Variants in FRMD3 observed in about 807,000 individuals in gnomAD.
The protein encoded by FRMD3 is FERM domain containing 3, also known as FERM domain-containing protein 3.
In FRMD3, 33 loss-of-function variants were observed where a neutral mutation model predicts 70.2. The observed-to-expected ratio is 0.47, with a 90% confidence interval of 0.36 to 0.63. The LOEUF is 0.63. Ranked by LOEUF, FRMD3 falls within the 20% of genes least tolerant of loss-of-function variation. The pLI, the probability that FRMD3 is intolerant of heterozygous loss-of-function variation, is 0.00. For missense variants in FRMD3, 632 were observed against 711.4 expected (o/e 0.89, Z 1.27); for synonymous variants, 279 against 255.9 (o/e 1.09, Z -0.86).
At chr9:83,450,528 C>A (rs768024062) in intron 1 of FRMD3, among the ~76,000 whole-genome samples, 1 of 152,008 alleles carries the variant, frequency 6.6e-6, no homozygotes, top group Non-Finnish European at 1.5e-5. Flanking sequence ...TGTTTTCATT[C>A]CAAGACTGTT....
intron 12 of FRMD3, among the ~76,000 whole-genome samples, chr9:83,292,509 A>G (rs1272990867): frequency 2.6e-5 from 4 of 152,132 alleles, no homozygotes; most frequent in South Asian, 2.1e-4. Context: ...ACACACAGGA[A>G]GAAGCACAAC....
At chr9:83,325,721 G>A (rs538527331) in intron 6 of FRMD3, among the ~76,000 whole-genome samples, 57 of 152,280 alleles carry the variant, frequency 3.7e-4, no homozygotes, top group Non-Finnish European at 6.0e-4. Flanking sequence ...ACTCAGATCC[G>A]ATTAGAGAAT....
At chr9:83,502,472 A>G (rs988039596) in intron 1 of FRMD3, among the ~76,000 whole-genome samples, 1 of 152,246 alleles carries the variant, frequency 6.6e-6, no homozygotes, top group African/African-American at 2.4e-5. Context: ...GTACAGCTAT[A>G]AGCCATAAAT....
At chr9:83,253,450 C>A (rs1241642594) in intron 13 of FRMD3, among the ~76,000 whole-genome samples, 2 of 152,054 alleles carry the variant, frequency 1.3e-5, no homozygotes, top group African/African-American at 4.8e-5. Context: ...AAAAAGTGGG[C>A]AAAAGATATG....
At chr9:83,524,651 A>G (rs1829648437) in intron 1 of FRMD3, among the ~76,000 whole-genome samples, 1 of 152,216 alleles carries the variant, frequency 6.6e-6, no homozygotes, top group Admixed American at 6.5e-5. Context: ...AACCTAAAAT[A>G]CAAGACACAA....
chr9:83,447,471 G>A (rs1285640432), intron 1 of FRMD3, among the ~76,000 whole-genome samples: 1 of 152,208 alleles, frequency 6.6e-6, no homozygotes, highest in African/African-American at 2.4e-5. Context: ...GACACAATAG[G>A]CAATCAGACC....
At chr9:83,356,860 AC>A (rs1159611869) in intron 3 of FRMD3, among the ~76,000 whole-genome samples, 1 of 151,518 alleles carries the variant, frequency 6.6e-6, no homozygotes, top group Non-Finnish European at 1.5e-5. Flanking sequence ...TATATACTGT[AC>A]CCAATGTGTA....
At chr9:83,419,663 AGT>A (rs200496991) in intron 1 of FRMD3, among the ~76,000 whole-genome samples, 2 of 149,896 alleles carry the variant, frequency 1.3e-5, no homozygotes, top group East Asian at 2.0e-4. Flanking sequence ...ATGTGTATTG[AGT>A]GTGTGTGTGT....
intron 13 of FRMD3, among the ~76,000 whole-genome samples, chr9:83,264,224 T>C (rs183885207): frequency 6.6e-6 from 1 of 152,306 alleles, no homozygotes; most frequent in Admixed American, 6.5e-5. Context: ...AGACTGCATA[T>C]TGTATGATTC....
At chr9:83,360,339 G>A in intron 3 of FRMD3, among the ~76,000 whole-genome samples, 1 of 152,120 alleles carries the variant, frequency 6.6e-6, no homozygotes, top group Non-Finnish European at 1.5e-5. Context: ...ATACTATAAA[G>A]TTGCATCCAA....
At chr9:83,351,724 G>GATAGATAA (rs1390832332) in intron 3 of FRMD3, among the ~76,000 whole-genome samples, 1 of 151,986 alleles carries the variant, frequency 6.6e-6, no homozygotes, top group African/African-American at 2.4e-5. Context: ...TAGATAGATA[G>GATAGATAA]ATAGATAGAC....
At chr9:83,456,769 C>A (rs1378359519) in intron 1 of FRMD3, among the ~76,000 whole-genome samples, 1 of 152,146 alleles carries the variant, frequency 6.6e-6, no homozygotes, top group African/African-American at 2.4e-5. Flanking sequence ...AGCCTGAGCT[C>A]AGAAGTTTGA....
At chr9:83,538,581 G>A (rs913364273), upstream of FRMD3, 11 of 182,688 alleles carry the variant, frequency 6.0e-5, no homozygotes, top group Non-Finnish European at 1.2e-4. This position sits in a 1 kb window ranked among gnomAD's most constrained non-coding sequence, Gnocchi z 4.7. Flanking sequence ...AGCAGCTGAA[G>A]GAGGAGGCGG....
Position 83,245,190 on chromosome 9 carries a change from C to T in FRMD3, c.*2728G>A, listed in dbSNP as rs1832034584. 1 of 983,728 alleles carries T rather than the reference C, an allele frequency of 1.0e-6. No homozygotes were observed. Among genetic ancestry groups the T allele is most frequent in the Non-Finnish European group, 1.2e-6 (1 of 828,508 alleles). 60.9% of individuals were successfully genotyped at this position (983,728 alleles called of 1,614,324 possible). A position where few individuals can be genotyped will look rare whatever the true frequency, so the allele number is the denominator to read the frequency against. Reference sequence around the variant, plus strand: ...GTCTATTCAAAGACACACATATATACAGATTCATATATAAACACACATATA... The same window carrying T: ...GTCTATTCAAAGACACACATATATATAGATTCATATATAAACACACATATA... On this transcript the variant is annotated 3_prime_UTR_variant, in exon 14 of 14. Transcript: ENST00000304195.
rs1199255344 is a variant in FRMD3 at position 83,247,901 on chromosome 9, C to T, written c.*17G>A. 5 of 1,611,012 alleles carry T rather than the reference C, an allele frequency of 3.1e-6. No individual in the cohort carries two copies. Among genetic ancestry groups the T allele is most frequent in the Non-Finnish European group, 4.2e-6 (5 of 1,177,846 alleles). ...ACTAGCATTGAATATAGCCCTTAGT[C>T]ACGTGAGAGATTAACTTCATGAGCA... On this transcript the variant is annotated 3_prime_UTR_variant, in exon 14 of 14. Coordinates refer to ENST00000304195, the MANE Select transcript of FRMD3 (RefSeq NM_174938.6).
chr9:83,577,509 C>T, the FRMD3 span, among the ~76,000 whole-genome samples: 1 of 151,948 alleles, frequency 6.6e-6, no homozygotes, highest in Non-Finnish European at 1.5e-5. Flanking sequence ...TCTATCTACA[C>T]AAAAATAAAG....
At chr9:83,308,721 A>G (rs1024731910) in intron 10 of FRMD3, among the ~76,000 whole-genome samples, 1 of 152,196 alleles carries the variant, frequency 6.6e-6, no homozygotes, top group African/African-American at 2.4e-5. Context: ...AGTCTTGTCC[A>G]GCACCTACTT....
intron 1 of FRMD3, among the ~76,000 whole-genome samples, chr9:83,520,970 C>CAAAAAAAA (rs144061788): frequency 6.4e-3 from 362 of 56,130 alleles, no homozygotes; most frequent in Middle Eastern, 0.017. Context: ...ACTAAAAATA[C>CAAAAAAAA]AAAAAAAAAA....
In FRMD3 at chr9:83,270,722, G is replaced by GTGTA. The variant is rs573380451; in HGVS notation, c.1195+19877_1195+19880dup. On this transcript the variant is annotated intron_variant, in intron 13 of 13. Transcript: ENST00000304195. Reference sequence around the variant, plus strand: ...TTCATTTTACAGATGTAAAAGCAGTGTGTACCTCCAAGGGGTGGTTGTGAG... The same window carrying GTGTA: ...TTCATTTTACAGATGTAAAAGCAGTGTGTATGTACCTCCAAGGGGTGGTTGTGAG... 1.8e-4 allele frequency among the ~76,000 whole-genome samples: 27 copies of GTGTA among 152,316 alleles called. No homozygotes were observed. In the South Asian group the frequency reaches 3.3e-3, roughly 19 times the overall value.
Sources: allele counts gnomAD v4.1 joint callset (sites outside exome capture counted in the v4.1 genomes callset), GRCh38; gene constraint gnomAD v4.1.1; non-coding constraint Gnocchi (gnomAD v3.1); transcripts MANE v1.5; gene names NCBI Gene and HGNC (gene_info 2026-07-23, HGNC 2026-07-21).